The following MTCL1 variants were observed in gnomAD, a reference collection of about 807,000 sequenced individuals.
The protein encoded by MTCL1 is microtubule crosslinking factor 1.
A neutral mutation model predicts 141.4 loss-of-function variants in MTCL1; 79 were observed. The observed-to-expected ratio is 0.56, with a 90% CI of 0.47 to 0.67. The LOEUF (loss-of-function observed/expected upper bound fraction) is 0.67, where lower values mean the gene tolerates loss of function less well. Among genes scored for constraint, MTCL1 ranks in the 30% least tolerant of loss-of-function variants. The pLI, the probability that MTCL1 is intolerant of heterozygous loss-of-function variation, is 0.00. For missense variants in MTCL1, 2,177 were observed against 2,113.9 expected (o/e 1.03, Z -0.59); for synonymous variants, 914 against 875.8 (o/e 1.04, Z -0.77).
intron 4 of MTCL1, among the ~76,000 whole-genome samples, chr18:8,739,999 G>A (rs1265546335): frequency 1.3e-5 from 2 of 152,216 alleles, no homozygotes; most frequent in Non-Finnish European, 2.9e-5. Context: ...CCAAAGTGCT[G>A]GGATTACAGG....
chr18:8,794,539 C>T (rs1306599464), intron 8 of MTCL1, among the ~76,000 whole-genome samples: 1 of 152,188 alleles, frequency 6.6e-6, no homozygotes, highest in Non-Finnish European at 1.5e-5. Flanking sequence ...GGTGTCTCAG[C>T]GCCTCTCCAC....
At chr18:8,775,117 CGTA>C (rs2096501022) in intron 4 of MTCL1, among the ~76,000 whole-genome samples, 1 of 152,124 alleles carries the variant, frequency 6.6e-6, no homozygotes, top group African/African-American at 2.4e-5. Context: ...TCTTTCAGTG[CGTA>C]CATTGGGAGA....
rs1054309548 is a variant in MTCL1 at position 8,705,753 on chromosome 18, G to A, written c.93G>A (p.Pro31=). Residue 31 remains proline, a synonymous_variant, in exon 1 of 14, where the codon CCG becomes CCA. Transcript: ENST00000306329. The surrounding 1 kb of genome is among the most constrained non-coding windows in gnomAD (Gnocchi z 5.2). ...ACCACCGCCACCACCACCTCCACCC[G>A]GTGGCCGAAAGGCGGCGGCTGCACC... 12 of 1,203,408 alleles carry A rather than the reference G, an allele frequency of 1.0e-5. No individual in the cohort carries two copies. The African/African-American group carries it at 1.3e-4, about 13-fold the overall frequency. 74.5% of individuals were successfully genotyped at this position (1,203,408 alleles called of 1,614,324 possible).
In MTCL1 at chr18:8,824,734, G is replaced by A. The variant is rs367681723; in HGVS notation, c.3224G>A (p.Arg1075His). Residue 1075 changes from arginine to histidine, a missense_variant, in exon 15 of 17, where the codon CGT (arginine) becomes CAT (histidine). Physicochemically the swap from Arg to His is conservative, Grantham distance 29. Transcript: ENST00000359865. ...GTGTCCTCCATGTCTGAGTTCCAGC[G>A]TCTAATGGACATCTCCCCCTTCCTG... is the stretch of plus-strand genomic sequence containing the variant. The A allele has an allele frequency of 4.2e-5, 68 of 1,613,744 alleles. No homozygotes were observed. The highest frequency in any genetic ancestry group is 1.9e-4 in the South Asian group (17 of 91,056).
intron 7 of MTCL1, 30 bp downstream of exon 6, chr18:8,786,121 C>CACCCCCCCCCCCCCCCTTTTTCTGTGTG: frequency 6.8e-7 from 1 of 1,469,516 alleles, no homozygotes; most frequent in South Asian, 1.2e-5. Context: ...CCCCCCCCCC[C>CACCCCCCCCCCCCCCCTTTTTCTGTGTG]GCCCTCCCCC....
chr18:8,718,581 G>A (rs2096145978), exon 3 of MTCL1: 2 of 1,614,100 alleles, frequency 1.2e-6, no homozygotes, highest in Middle Eastern at 1.7e-4. Flanking sequence ...GAGCAGAAAA[G>A]CCTGAAAGTG....
intron 7 of MTCL1, among the ~76,000 whole-genome samples, chr18:8,792,181 A>G (rs2075752727): frequency 6.6e-6 from 1 of 152,364 alleles, no homozygotes; most frequent in Admixed American, 6.5e-5. Context: ...TTCAAGTAGC[A>G]TAATCCAGTG....
rs376119904 is a variant in MTCL1, at chr18:8,763,992, T to C, written c.358-13841T>C. On this transcript the variant is annotated intron_variant, in intron 4 of 16. Coordinates refer to ENST00000359865, the Ensembl canonical transcript of MTCL1. Reference sequence around the variant, plus strand: ...TATATACTTGGTGAAGTTAGGGTTCTAAATTCTGTTCTATATATAGAATAT... The same window carrying C: ...TATATACTTGGTGAAGTTAGGGTTCCAAATTCTGTTCTATATATAGAATAT... 2.2e-3 allele frequency among the ~76,000 whole-genome samples: 340 copies of C among 152,332 alleles called. 2 individuals are homozygous for C. The highest frequency in any genetic ancestry group is 3.9e-3 in the South Asian group (19 of 4,828).
rs1021923465 is a variant in MTCL1, at chr18:8,777,951, G to T, written c.417+59G>T. On this transcript the variant is annotated intron_variant, in intron 5 of 16. Coordinates refer to ENST00000359865, the Ensembl canonical transcript of MTCL1. ...CCTATAAGTGAAGTCAACTCATTTT[G>T]AATGTTTTTCAGTAAGTGTTAGCTT... 2.6e-6 allele frequency: 4 copies of T among 1,520,486 alleles called. 1 individual carries two copies. Among genetic ancestry groups the T allele is most frequent in the Middle Eastern group, 1.7e-4 (1 of 5,858 alleles). 94.2% of individuals were successfully genotyped at this position (1,520,486 alleles called of 1,614,324 possible).
chr18:8,823,940 A>C (rs1401952025), intron 14 of MTCL1, among the ~76,000 whole-genome samples: 1 of 152,158 alleles, frequency 6.6e-6, no homozygotes, highest in Admixed American at 6.5e-5. Context: ...CCCTAGGTTT[A>C]AGCCTGTGCT....
At chr18:8,749,542 T>G (rs935702536) in intron 4 of MTCL1, among the ~76,000 whole-genome samples, 1 of 151,338 alleles carries the variant, frequency 6.6e-6, no homozygotes, top group Non-Finnish European at 1.5e-5. Flanking sequence ...GGAGGAAGAG[T>G]GAAGTGAGAA....
chr18:8,718,797 GTGTGTAGTTATATGACTTTGA>G (rs2096147888), intron 3 of MTCL1, 149 bp downstream of exon 2: 1 of 677,276 alleles, frequency 1.5e-6, no homozygotes. Context: ...CTTATAGAGT[GTGTGTAGTTATATGACTTTGA>G]CACCCCAAGG....
chr18:8,727,274 TA>T (rs925044301), intron 4 of MTCL1, among the ~76,000 whole-genome samples: 2 of 152,204 alleles, frequency 1.3e-5, no homozygotes, highest in African/African-American at 4.8e-5. Flanking sequence ...TGAGTGTAGG[TA>T]TTTTTTTAAT....
intron 4 of MTCL1, among the ~76,000 whole-genome samples, chr18:8,761,291 T>A (rs964254975): frequency 6.6e-6 from 1 of 152,144 alleles, no homozygotes; most frequent in Non-Finnish European, 1.5e-5. Context: ...TTTGGGGTGC[T>A]TATGACTGAA....
intron 4 of MTCL1, among the ~76,000 whole-genome samples, chr18:8,748,372 C>T (rs754294629): frequency 3.3e-5 from 5 of 152,082 alleles, no homozygotes; most frequent in Non-Finnish European, 7.4e-5. Context: ...AGTGAGACAC[C>T]ATCTCTACCA....
chr18:8,792,529 TAAG>T (rs1445064383), intron 7 of MTCL1, among the ~76,000 whole-genome samples: 3 of 151,332 alleles, frequency 2.0e-5, no homozygotes, highest in Admixed American at 1.3e-4. Context: ...AAAACTCTAA[TAAG>T]AAAGCATATG....
chr18:8,776,003 G>A (rs760788988), intron 4 of MTCL1, among the ~76,000 whole-genome samples: 3 of 152,228 alleles, frequency 2.0e-5, no homozygotes, highest in Non-Finnish European at 4.4e-5. Flanking sequence ...CACTTAAAAT[G>A]TGAACAGTGC....
In MTCL1 at chr18:8,810,495, G is replaced by A. The variant is rs1338262542; in HGVS notation, c.2605-2484G>A. ...TGTCCCTTCACTGTCTTCACAAAGC[G>A]GGTGAGCAGAAGTGATGTGGGGCCC... On this transcript the variant is annotated intron_variant, in intron 11 of 16. Coordinates refer to ENST00000359865, the Ensembl canonical transcript of MTCL1. This position sits in a 1 kb window ranked among gnomAD's most constrained non-coding sequence, Gnocchi z 5.0. 2.6e-5 allele frequency among the ~76,000 whole-genome samples: 4 copies of A among 152,158 alleles called. No individual in the cohort carries two copies. Among genetic ancestry groups the A allele is most frequent in the African/African-American group, 9.7e-5 (4 of 41,418 alleles).
At chr18:8,774,404 G>A (rs1346076559) in intron 4 of MTCL1, among the ~76,000 whole-genome samples, 1 of 152,090 alleles carries the variant, frequency 6.6e-6, no homozygotes, top group Non-Finnish European at 1.5e-5. Flanking sequence ...GATCTTCAAT[G>A]TTCTATGGTT....
Sources: allele counts gnomAD v4.1 joint callset (sites outside exome capture counted in the v4.1 genomes callset), GRCh38; gene constraint gnomAD v4.1.1; non-coding constraint Gnocchi (gnomAD v3.1); transcripts MANE v1.5; gene names NCBI Gene and HGNC (gene_info 2026-07-23, HGNC 2026-07-21).